The following DDX10 variants were observed in gnomAD, a reference collection of about 807,000 sequenced individuals.
DDX10 encodes probable ATP-dependent RNA helicase DDX10.
Under a neutral mutation model 104.3 loss-of-function variants are expected in DDX10, and 74 were observed. The observed-to-expected ratio is 0.71, with a 90% CI of 0.59 to 0.86. DDX10 has a LOEUF of 0.86. Among genes scored for constraint, DDX10 ranks in the 40% least tolerant of loss-of-function variants. The probability of loss-of-function intolerance (pLI) is 0.00; values close to 1 mark genes in which losing one functional copy is unlikely to be tolerated. For synonymous variants in DDX10, 351 were observed against 353.4 expected, an observed-to-expected ratio of 0.99 and a Z score of 0.08; for missense variants, 952 against 1,040.0, an observed-to-expected ratio of 0.92 and a Z score of 1.16.
At chr11:108,668,771 TG>T (rs2094213308) in intron 1 of DDX10, among the ~76,000 whole-genome samples, 1 of 152,190 alleles carries the variant, frequency 6.6e-6, no homozygotes, top group South Asian at 2.1e-4. Flanking sequence ...ATGTAGGGGT[TG>T]ATACAGTTTG....
Position 108,864,533 on chromosome 11 carries a change from C to T in DDX10, c.2304+12324C>T, listed in dbSNP as rs530856014. 1.6e-4 allele frequency among the ~76,000 whole-genome samples: 25 copies of T among 152,156 alleles called. No individual in the cohort carries two copies. The East Asian group carries it at 4.8e-3, about 29-fold the overall frequency. On this transcript the variant is annotated intron_variant, in intron 16 of 17. Transcript: ENST00000322536. The stretch of plus-strand genomic sequence containing the variant: ...TGTTGCCCAGGCTGGAGTACAGTGG[C>T]GTGATCTTGGCTCACTGCAGCCTTG...
chr11:108,880,366 T>C (rs1863211287), intron 16 of DDX10, among the ~76,000 whole-genome samples: 1 of 152,140 alleles, frequency 6.6e-6, no homozygotes, highest in South Asian at 2.1e-4. Flanking sequence ...TACAGCCACA[T>C]TGGGGGTTAG....
At chr11:108,932,820 T>C (rs1315337715) in intron 17 of DDX10, among the ~76,000 whole-genome samples, 1 of 152,058 alleles carries the variant, frequency 6.6e-6, no homozygotes, top group Non-Finnish European at 1.5e-5. Context: ...TTACTTTTAA[T>C]ATTTTTGGCA....
At chr11:108,907,855 ATAAATTTC>A (rs1311153080) in intron 16 of DDX10, among the ~76,000 whole-genome samples, 1 of 152,208 alleles carries the variant, frequency 6.6e-6, no homozygotes, top group Non-Finnish European at 1.5e-5. Flanking sequence ...CCATTATAGA[ATAAATTTC>A]TAGGAGGCAG....
At chr11:108,859,420 C>A (rs1862911209) in intron 16 of DDX10, among the ~76,000 whole-genome samples, 1 of 147,260 alleles carries the variant, frequency 6.8e-6, no homozygotes, top group African/African-American at 2.5e-5. Flanking sequence ...TTGAGGAAAA[C>A]AGATTCCTAA....
chr11:108,850,201 G>A (rs1318288267), intron 15 of DDX10, among the ~76,000 whole-genome samples: 1 of 151,962 alleles, frequency 6.6e-6, no homozygotes, highest in East Asian at 1.9e-4. Context: ...TGAAAATTTT[G>A]GTAGAAAATT....
At chr11:108,726,874 G>T (rs780152299) in intron 13 of DDX10, among the ~76,000 whole-genome samples, 2 of 151,946 alleles carry the variant, frequency 1.3e-5, no homozygotes, top group Non-Finnish European at 2.9e-5. Context: ...TTCCTAGCTG[G>T]CTTAGTGTTT....
At chr11:108,903,756 C>T (rs1863550745) in intron 16 of DDX10, among the ~76,000 whole-genome samples, 1 of 152,100 alleles carries the variant, frequency 6.6e-6, no homozygotes. Context: ...ACCAAGCCCC[C>T]ACAGATACCA....
At position 108,706,966 on chromosome 11, in the gene DDX10, G is replaced by T. The variant is rs903102178; in HGVS notation, c.1322+129G>T. The T allele has an allele frequency of 5.6e-6, 4 of 717,914 alleles. No individual in the cohort carries two copies. In the Admixed American group the frequency reaches 7.7e-5, roughly 14 times the overall value. 44.5% of individuals were successfully genotyped at this position (717,914 alleles called of 1,614,324 possible). A position where few individuals can be genotyped will look rare whatever the true frequency, so the allele number is the denominator to read the frequency against. On this transcript the variant is annotated intron_variant, in intron 10 of 17. Transcript: ENST00000322536. ...TGCCTGGTTTGACTTTTATAAAAAG[G>T]CTCTTTTTAGAACAGTTTTAGGTTC...
At chr11:108,845,113 C>T (rs1014399725) in intron 15 of DDX10, among the ~76,000 whole-genome samples, 1 of 152,070 alleles carries the variant, frequency 6.6e-6, no homozygotes. Flanking sequence ...GAGGCTGAGG[C>T]AGGAGAATGG....
Position 108,694,859 on chromosome 11 carries a change from C to T in DDX10, c.1223+1259C>T, listed in dbSNP as rs187118511. Among the ~76,000 whole-genome samples, 9 of 151,808 alleles carry T rather than the reference C, an allele frequency of 5.9e-5. No homozygotes were observed. In the East Asian group the frequency reaches 9.7e-4, roughly 16 times the overall value. The stretch of plus-strand genomic sequence containing the variant: ...TCGCACCACTGCATTCCAGCCTGGG[C>T]GACAGAGTGATGCTCTGTCTCAAAA... On this transcript the variant is annotated intron_variant, in intron 9 of 17. Coordinates refer to ENST00000322536, the MANE Select transcript of DDX10 (RefSeq NM_004398.4).
At position 108,933,000 on chromosome 11, in the gene DDX10, A is replaced by G. The variant is rs536364656; in HGVS notation, c.2451-7246A>G. Among the ~76,000 whole-genome samples, 5 of 152,066 alleles carry G rather than the reference A, an allele frequency of 3.3e-5. No homozygotes were observed. In the South Asian group the frequency reaches 8.3e-4, roughly 25 times the overall value. On this transcript the variant is annotated intron_variant, in intron 17 of 17. Coordinates refer to ENST00000322536, the MANE Select transcript of DDX10 (RefSeq NM_004398.4). ...CATAGTCATTTGTTGGCTGTGCTAC[A>G]TGCTGTTAAAGAAAAAAATTCATGA... is the stretch of plus-strand genomic sequence containing the variant.
intron 13 of DDX10, among the ~76,000 whole-genome samples, chr11:108,742,602 A>G (rs1254162372): frequency 3.3e-5 from 5 of 152,172 alleles, no homozygotes; most frequent in Admixed American, 6.6e-5. Context: ...CAAAAGATCA[A>G]TAAATCCAGG....
intron 16 of DDX10, among the ~76,000 whole-genome samples, chr11:108,866,259 C>T (rs1477792954): frequency 6.6e-6 from 1 of 152,034 alleles, no homozygotes; most frequent in East Asian, 1.9e-4. Flanking sequence ...GTATATTTTT[C>T]AGGGAAGTAT....
chr11:108,754,629 G>A (rs1217195237), intron 13 of DDX10, among the ~76,000 whole-genome samples: 1 of 152,056 alleles, frequency 6.6e-6, no homozygotes, highest in Non-Finnish European at 1.5e-5. Flanking sequence ...ATGAGTAAGG[G>A]TCAAAACTAG....
chr11:108,858,919 G>A (rs1862905787), intron 16 of DDX10, among the ~76,000 whole-genome samples: 1 of 152,186 alleles, frequency 6.6e-6, no homozygotes, highest in African/African-American at 2.4e-5. Flanking sequence ...GCCCATGGAA[G>A]TTGTGACTTC....
intron 1 of DDX10, among the ~76,000 whole-genome samples, chr11:108,666,721 CTG>C (rs1484707570): frequency 6.6e-6 from 1 of 152,216 alleles, no homozygotes; most frequent in African/African-American, 2.4e-5. Context: ...CAGTCTATCT[CTG>C]TTCCTCTGTT....
chr11:108,917,971 C>T lies in DDX10; in HGVS notation c.2403C>T (p.Tyr801=). Residue 801 remains tyrosine (Y), a synonymous_variant, in exon 17 of 18, where the codon TAC becomes TAT. Coordinates refer to ENST00000322536, the MANE Select transcript of DDX10 (RefSeq NM_004398.4). ...DPSTLPDPDK[Y]RSSEDSDSED... ...GCACACTCCCAGATCCAGATAAATA[C>T]AGAAGCTCTGAAGATTCAGATAGTG... 1.2e-6 allele frequency: 2 copies of T among 1,613,580 alleles called. No individual in the cohort carries two copies. Among genetic ancestry groups the T allele is most frequent in the Non-Finnish European group, 1.7e-6 (2 of 1,179,930 alleles).
At chr11:108,791,243 T>C (rs1861866997) in intron 13 of DDX10, among the ~76,000 whole-genome samples, 2 of 152,240 alleles carry the variant, frequency 1.3e-5, no homozygotes, top group Non-Finnish European at 1.5e-5. Flanking sequence ...AGCTTCTAGC[T>C]GACAGCCAGC....
Sources: allele counts gnomAD v4.1 joint callset (sites outside exome capture counted in the v4.1 genomes callset), GRCh38; gene constraint gnomAD v4.1.1; transcripts MANE v1.5; gene names NCBI Gene and HGNC (gene_info 2026-07-23, HGNC 2026-07-21).